Variants in GRID2 observed in about 807,000 individuals in gnomAD.
GRID2 encodes glutamate receptor ionotropic, delta-2.
GRID2 carries 33 observed loss-of-function variants against 114.8 expected under a neutral mutation model. The observed-to-expected ratio is 0.29, with a 90% confidence interval of 0.22 to 0.38. The LOEUF (loss-of-function observed/expected upper bound fraction) is 0.38, where lower values mean the gene tolerates loss of function less well. GRID2 is among the 10% of genes least tolerant of loss of function. The pLI is 1.00. For synonymous variants in GRID2, 505 were observed against 449.9 expected (o/e 1.12, Z -1.55); for missense variants, 1,184 against 1,257.7 (o/e 0.94, Z 0.89).
At chr4:93,375,804 G>A (rs528857984) in intron 8 of GRID2, among the ~76,000 whole-genome samples, 5 of 152,296 alleles carry the variant, frequency 3.3e-5, no homozygotes, top group Admixed American at 3.3e-4. Flanking sequence ...GAATGAAGAA[G>A]AAATGGTAAA....
intron 2 of GRID2, among the ~76,000 whole-genome samples, chr4:92,820,618 T>G (rs1290102014): frequency 6.6e-6 from 1 of 152,096 alleles, no homozygotes; most frequent in Non-Finnish European, 1.5e-5. Flanking sequence ...AATGTCAGAA[T>G]CCTATAAATA....
intron 14 of GRID2, among the ~76,000 whole-genome samples, chr4:93,748,220 G>A (rs781006002): frequency 6.6e-6 from 1 of 151,990 alleles, no homozygotes; most frequent in African/African-American, 2.4e-5. Flanking sequence ...TGTATGGGTC[G>A]ATATCTCAAG....
intron 2 of GRID2, among the ~76,000 whole-genome samples, chr4:92,819,711 A>T (rs1255640435): frequency 6.6e-6 from 1 of 152,190 alleles, no homozygotes; most frequent in Non-Finnish European, 1.5e-5. Flanking sequence ...TTACTACGAC[A>T]GCATAGGTGA....
At chr4:93,245,091 A>T (rs1748051675) in intron 8 of GRID2, among the ~76,000 whole-genome samples, 1 of 152,108 alleles carries the variant, frequency 6.6e-6, no homozygotes, top group Non-Finnish European at 1.5e-5. Context: ...CTATGTGTAT[A>T]TGTAAATATA....
chr4:92,619,483 T>C lies in GRID2; in HGVS notation c.244+29197T>C, dbSNP rs559009095. ...CTAATCTGTTGCTTGACCAAGCTTG[T>C]ATTGCAACCTCAGGTTTGTTGAGAT... On this transcript the variant is annotated intron_variant, in intron 2 of 15. Coordinates refer to ENST00000282020, the MANE Select transcript of GRID2 (RefSeq NM_001510.4). Among the ~76,000 whole-genome samples, 15 of 151,838 alleles carry C rather than the reference T, an allele frequency of 9.9e-5. No individual in the cohort carries two copies. In the East Asian group the frequency reaches 2.9e-3, roughly 30 times the overall value.
At chr4:92,644,430 G>C (rs974520805) in intron 2 of GRID2, among the ~76,000 whole-genome samples, 2 of 151,668 alleles carry the variant, frequency 1.3e-5, no homozygotes, top group African/African-American at 2.4e-5. Flanking sequence ...ATTGTTTCTA[G>C]ATTGTGAAGT....
At chr4:93,740,633 AC>A (rs541576550) in intron 14 of GRID2, among the ~76,000 whole-genome samples, 48 of 152,336 alleles carry the variant, frequency 3.2e-4, no homozygotes, top group Middle Eastern at 6.8e-3. Context: ...TGCGTTACTT[AC>A]GTTCCTGTCA....
Position 93,512,196 on chromosome 4 carries a change from A to G in GRID2, c.1998-3020A>G, listed in dbSNP as rs1054725087. Among the ~76,000 whole-genome samples the G allele has an allele frequency of 2.6e-5, 4 of 152,216 alleles. No individual in the cohort carries two copies. In the South Asian group the frequency reaches 6.2e-4, roughly 24 times the overall value. ...ATATTAGATGCCTATTAATGATTCT[A>G]TGATTGTTTTACATTTTAAAACAAT... On this transcript the variant is annotated intron_variant, in intron 12 of 15. Coordinates refer to ENST00000282020, the MANE Select transcript of GRID2 (RefSeq NM_001510.4).
At chr4:93,389,891 C>A (rs1764685810) in intron 8 of GRID2, among the ~76,000 whole-genome samples, 1 of 151,852 alleles carries the variant, frequency 6.6e-6, no homozygotes, top group African/African-American at 2.4e-5. Flanking sequence ...CAGGTTCAAG[C>A]AATTCTCCCG....
In GRID2 at chr4:92,806,166, GACACACACACACACACACAC is replaced by G. The variant is rs56070810; in HGVS notation, c.244+215907_244+215926del. 2.1e-4 allele frequency among the ~76,000 whole-genome samples: 28 copies of G among 133,332 alleles called. No individual in the cohort carries two copies. In the South Asian group the frequency reaches 4.9e-3, roughly 24 times the overall value. The allele number at this position is 133,332 out of a possible 152,430, so 87.5% of individuals were successfully genotyped here. ...CAAATCTATTAGAAAATAGGCTATC[GACACACACACACACACACAC>G]ACACACACACACACACACACACACA... On this transcript the variant is annotated intron_variant, in intron 2 of 15. Transcript: ENST00000282020.
chr4:92,717,629 A>G (rs891251552), intron 2 of GRID2, among the ~76,000 whole-genome samples: 1 of 152,236 alleles, frequency 6.6e-6, no homozygotes, highest in African/African-American at 2.4e-5. Context: ...TAATAAATGT[A>G]TTTTGGATCA....
chr4:93,287,820 G>A (rs1447445880), intron 8 of GRID2, among the ~76,000 whole-genome samples: 2 of 152,032 alleles, frequency 1.3e-5, no homozygotes, highest in African/African-American at 4.8e-5. Flanking sequence ...AATTCTGGAG[G>A]CAATACCTAG....
chr4:93,550,847 A>G (rs915663823), intron 13 of GRID2, among the ~76,000 whole-genome samples: 3 of 152,180 alleles, frequency 2.0e-5, no homozygotes, highest in Non-Finnish European at 4.4e-5. Context: ...TGAGATGCAT[A>G]TATTTTTTAG....
At chr4:93,479,953 T>G (rs1286617744) in intron 11 of GRID2, among the ~76,000 whole-genome samples, 1 of 152,104 alleles carries the variant, frequency 6.6e-6, no homozygotes, top group Non-Finnish European at 1.5e-5. Flanking sequence ...ATAAATCATG[T>G]TATAAAATGT....
At chr4:93,337,366 GC>G (rs1473935332) in intron 8 of GRID2, among the ~76,000 whole-genome samples, 1 of 152,106 alleles carries the variant, frequency 6.6e-6, no homozygotes, top group East Asian at 1.9e-4. Context: ...CAGCTCCCCT[GC>G]CCCACTCCCA....
At chr4:92,730,475 A>G (rs938617240) in intron 2 of GRID2, among the ~76,000 whole-genome samples, 4 of 152,008 alleles carry the variant, frequency 2.6e-5, no homozygotes, top group African/African-American at 9.7e-5. Context: ...ATGAATTTTA[A>G]CAGAGCTAAA....
intron 2 of GRID2, among the ~76,000 whole-genome samples, chr4:93,073,381 CATA>C (rs977278659): frequency 3.9e-5 from 6 of 152,168 alleles, no homozygotes; most frequent in South Asian, 4.1e-4. Context: ...TTGTGATTGT[CATA>C]ATAATATTTT....
At chr4:93,172,670 C>A (rs1738957880) in intron 4 of GRID2, among the ~76,000 whole-genome samples, 1 of 151,890 alleles carries the variant, frequency 6.6e-6, no homozygotes, top group South Asian at 2.1e-4. Flanking sequence ...TACAATGGAC[C>A]CACACATTTG....
intron 1 of GRID2, among the ~76,000 whole-genome samples, chr4:92,486,062 C>A (rs72661921): frequency 0.22 from 33,079 of 151,524 alleles, 3,682 homozygotes; most frequent in Middle Eastern, 0.29. Flanking sequence ...CCTCTGGTTT[C>A]TATTTGTAAA....
Sources: allele counts gnomAD v4.1 joint callset (sites outside exome capture counted in the v4.1 genomes callset), GRCh38; gene constraint gnomAD v4.1.1; transcripts MANE v1.5; gene names NCBI Gene and HGNC (gene_info 2026-07-23, HGNC 2026-07-21).